STAU1: variants seen among roughly 807,000 people sequenced by gnomAD.
STAU1 encodes the protein double-stranded RNA-binding protein Staufen homolog 1.
A neutral mutation model predicts 62.9 loss-of-function variants in STAU1; 13 were observed. The ratio of observed to expected loss-of-function variants is 0.21; its 90% confidence interval spans 0.13 to 0.33. STAU1 has a LOEUF of 0.33. Among genes scored for constraint, STAU1 ranks in the 10% least tolerant of loss-of-function variants. The pLI, the probability that STAU1 is intolerant of heterozygous loss-of-function variation, is 1.00. For synonymous variants in STAU1, 269 were observed against 265.1 expected (o/e 1.01, Z -0.14); for missense variants, 571 against 712.1 (o/e 0.80, Z 2.25).
chr20:49,152,290 G>C (rs2093266105), intron 4 of STAU1, among the ~76,000 whole-genome samples: 1 of 148,974 alleles, frequency 6.7e-6, no homozygotes, highest in Non-Finnish European at 1.5e-5. Flanking sequence ...CCCCAACAGA[G>C]AGCAGGGAAA....
At chr20:49,179,418 G>C (rs185740742) in intron 1 of STAU1, among the ~76,000 whole-genome samples, 1 of 152,268 alleles carries the variant, frequency 6.6e-6, no homozygotes, top group Admixed American at 6.5e-5. Flanking sequence ...AGGTTGCAAA[G>C]GTTTACTCAA....
At chr20:49,209,453 A>C in the STAU1 span, among the ~76,000 whole-genome samples, 2 of 151,482 alleles carry the variant, frequency 1.3e-5, no homozygotes, top group African/African-American at 4.8e-5. Flanking sequence ...AAAAAAAAAA[A>C]AAAAAGGAAG....
intron 3 of STAU1, among the ~76,000 whole-genome samples, chr20:49,155,179 T>TA (rs1330184433): frequency 6.6e-6 from 1 of 151,946 alleles, no homozygotes; most frequent in Non-Finnish European, 1.5e-5. Context: ...ATGTGCAACT[T>TA]AAAGGTGAAA....
intron 5 of STAU1, among the ~76,000 whole-genome samples, chr20:49,149,812 C>T (rs751851621): frequency 9.2e-5 from 14 of 152,186 alleles, no homozygotes; most frequent in Admixed American, 2.6e-4. Flanking sequence ...CGCTCCTGTG[C>T]GGCCAGCCAT....
At chr20:49,150,743 T>C (rs1179660154) in intron 5 of STAU1, among the ~76,000 whole-genome samples, 3 of 152,138 alleles carry the variant, frequency 2.0e-5, no homozygotes, top group African/African-American at 7.2e-5. Context: ...CTGTAGAATA[T>C]GGCAGACACG....
intron 6 of STAU1, chr20:49,134,976 G>T: frequency 6.2e-7 from 1 of 1,602,968 alleles, no homozygotes; most frequent in African/African-American, 1.3e-5. Context: ...TTTGTGAAGA[G>T]ACAGTTCATG....
chr20:49,136,539 C>T (rs2092888003), intron 5 of STAU1, among the ~76,000 whole-genome samples: 1 of 152,224 alleles, frequency 6.6e-6, no homozygotes. Context: ...CAAGATGTCA[C>T]TGCTGCTCGG....
intron 6 of STAU1, among the ~76,000 whole-genome samples, chr20:49,135,229 A>C (rs1483552362): frequency 6.6e-6 from 1 of 152,256 alleles, no homozygotes; most frequent in Non-Finnish European, 1.5e-5. Context: ...GCTGGCGCTT[A>C]ATAAAAATAA....
Position 49,119,190 on chromosome 20 carries a change from G to C in STAU1, c.1114-782C>G, listed in dbSNP as rs570829419. On this transcript the variant is annotated intron_variant, in intron 9 of 13. Transcript: ENST00000371856. ...GGCAGACACGAATTTTTCTTTTTAC[G>C]TTCCTTTTTTGTTGTTGTTGAGACA... Among the ~76,000 whole-genome samples the C allele has an allele frequency of 2.6e-5, 4 of 152,212 alleles. No homozygotes were observed. In the East Asian group the frequency reaches 7.7e-4, roughly 29 times the overall value.
chr20:49,117,194 T>C lies in STAU1; in HGVS notation c.1564A>G (p.Asn522Asp), dbSNP rs1450963338. The change falls in exon 12 of 14, where the codon AAT becomes GAT. Residue 522 changes from asparagine (N) to aspartate (D), a missense_variant. Around this residue, in one of 3 missense-constraint regions of STAU1, gnomAD observed 156 missense variants for 194.7 expected, o/e 0.80. Coordinates refer to ENST00000371856, the MANE Select transcript of STAU1 (RefSeq NM_017453.4). This position sits in a 1 kb window ranked among gnomAD's most constrained non-coding sequence, Gnocchi z 4.6. The part of the protein sequence containing the change: ...NNKNEFVSLI[N>D]CSSQPPLISH... ...ATCAGAGGTGGCTGAGAGGAGCAAT[T>C]GATAAGAGATACAAATTCGTTCTTG... 6.2e-7 allele frequency: 1 copy of C among 1,614,134 alleles called. No homozygotes were observed. The highest frequency in any genetic ancestry group is 8.5e-7 in the Non-Finnish European group (1 of 1,180,006).
chr20:49,118,053 CTGA>C lies in STAU1; in HGVS notation c.1230_1232del (p.His410del), dbSNP rs1660564340. On this transcript the variant is annotated inframe_deletion, in exon 11 of 14. Coordinates refer to ENST00000371856, the MANE Select transcript of STAU1 (RefSeq NM_017453.4). ...TGGGAAGAATTCCAGCAGGCAGCTG[CTGA>C]TGACTTAGATAAGGCATCCTGAACT... 4.3e-6 allele frequency: 7 copies of C among 1,614,166 alleles called. No homozygotes were observed. Among genetic ancestry groups the C allele is most frequent in the Non-Finnish European group, 5.9e-6 (7 of 1,180,046 alleles).
Position 49,151,704 on chromosome 20 carries a change from C to G in STAU1, c.388G>C (p.Glu130Gln). 6.2e-7 allele frequency: 1 copy of G among 1,610,776 alleles called. No individual in the cohort carries two copies. Among genetic ancestry groups the G allele is most frequent in the Non-Finnish European group, 8.5e-7 (1 of 1,178,956 alleles). The change falls in exon 5 of 14, where the codon GAA becomes CAA. Residue 130 changes from glutamate (E) to glutamine (Q), a missense_variant. This residue lies in a region of STAU1 where 414 missense variants were observed against 499.6 expected (regional missense o/e 0.83). Transcript: ENST00000371856. ...FPVPPLLYQVELSVGGQQFNG... is the reference protein window; with the variant it reads ...FPVPPLLYQVQLSVGGQQFNG... The stretch of plus-strand genomic sequence containing the variant: ...AATTGCTGTCCTCCCACAGAAAGTT[C>G]CACTTGATAAAGTAAAGGTGGAACT...
At chr20:49,171,067 G>A (rs1409313399) in intron 2 of STAU1, among the ~76,000 whole-genome samples, 1 of 152,180 alleles carries the variant, frequency 6.6e-6, no homozygotes, top group Non-Finnish European at 1.5e-5. Flanking sequence ...TGCTGGAAAG[G>A]ATCTGTGTGT....
At chr20:49,130,205 G>C (rs1163757412) in intron 6 of STAU1, among the ~76,000 whole-genome samples, 1 of 152,032 alleles carries the variant, frequency 6.6e-6, no homozygotes, top group Non-Finnish European at 1.5e-5. Flanking sequence ...AAAGAAGTCA[G>C]ACAAAAGGCA....
the STAU1 span, among the ~76,000 whole-genome samples, chr20:49,202,252 A>AAGAAAGAAAGAAAGAAAGAAAGAG: frequency 2.0e-5 from 3 of 149,348 alleles, no homozygotes; most frequent in African/African-American, 7.4e-5. Context: ...GAAAGAAAGA[A>AAGAAAGAAAGAAAGAAAGAAAGAG]AGAAAGAATC....
intron 1 of STAU1, among the ~76,000 whole-genome samples, chr20:49,182,760 A>C (rs2093741135): frequency 6.6e-6 from 1 of 150,718 alleles, no homozygotes; most frequent in Admixed American, 6.7e-5. Flanking sequence ...AATGGCATGA[A>C]CCCAGGAGGT....
chr20:49,182,022 T>C (rs1012240986), intron 1 of STAU1, among the ~76,000 whole-genome samples: 1 of 152,178 alleles, frequency 6.6e-6, no homozygotes. Flanking sequence ...AGATGCCAGA[T>C]GGGTTACAGA....
intron 3 of STAU1, among the ~76,000 whole-genome samples, chr20:49,164,627 C>T (rs1470985018): frequency 6.6e-6 from 1 of 151,844 alleles, no homozygotes; most frequent in Non-Finnish European, 1.5e-5. Context: ...TAAATTTGGG[C>T]ATTGTAGCTC....
chr20:49,218,548 A>G, the STAU1 span, among the ~76,000 whole-genome samples: 1 of 146,198 alleles, frequency 6.8e-6, no homozygotes, highest in Non-Finnish European at 1.5e-5. Flanking sequence ...TTAAAAACAA[A>G]CAAACAAACA....
Sources: allele counts gnomAD v4.1 joint callset (sites outside exome capture counted in the v4.1 genomes callset), GRCh38; gene constraint gnomAD v4.1.1; regional missense constraint gnomAD v4.1.1; non-coding constraint Gnocchi (gnomAD v3.1); transcripts MANE v1.5; gene names NCBI Gene and HGNC (gene_info 2026-07-23, HGNC 2026-07-21).